SPECC1: variants seen among roughly 807,000 people sequenced by gnomAD.
SPECC1 encodes the protein cytospin-B.
SPECC1 carries 62 observed loss-of-function variants against 104.1 expected under a neutral mutation model. That is an observed-to-expected ratio of 0.60 (90% CI 0.49 to 0.74). The LOEUF (loss-of-function observed/expected upper bound fraction) is 0.74. SPECC1 is among the 30% of genes least tolerant of loss of function. The probability of loss-of-function intolerance (pLI) is 0.00; values close to 1 mark genes in which losing one functional copy is unlikely to be tolerated. For synonymous variants in SPECC1, 513 were observed against 501.6 expected (o/e 1.02, Z -0.30); for missense variants, 1,306 against 1,310.5 (o/e 1.00, Z 0.05).
intron 12 of SPECC1, among the ~76,000 whole-genome samples, chr17:20,270,137 A>G (rs1341918710): frequency 6.6e-6 from 1 of 152,106 alleles, no homozygotes; most frequent in Non-Finnish European, 1.5e-5. Context: ...GTGGCTGCTT[A>G]GTGGGTACAG....
intron 3 of SPECC1, among the ~76,000 whole-genome samples, chr17:20,132,612 AATT>A (rs1223144461): frequency 6.7e-6 from 1 of 150,118 alleles, no homozygotes; most frequent in Non-Finnish European, 1.5e-5. Flanking sequence ...AAATTTCCCT[AATT>A]GTTATAGGGC....
At chr17:20,303,420 TC>T (rs1184076449) in intron 13 of SPECC1, among the ~76,000 whole-genome samples, 1 of 152,144 alleles carries the variant, frequency 6.6e-6, no homozygotes, top group Admixed American at 6.5e-5. Flanking sequence ...TCACCACAGA[TC>T]AACAGCTTTC....
chr17:20,147,663 A>G lies in SPECC1; in HGVS notation c.283+37101A>G, dbSNP rs754580148. Among the ~76,000 whole-genome samples the G allele has an allele frequency of 1.3e-3, 200 of 152,218 alleles. 1 individual carries two copies. Among genetic ancestry groups the G allele is most frequent in the Non-Finnish European group, 9.6e-4 (65 of 68,036 alleles). On this transcript the variant is annotated intron_variant, in intron 3 of 14. Transcript: ENST00000395527. ...TGAGAGGCATATGGAGGGCCATTAT[A>G]TTAGTTCTCTTTAGTTTTGTGTATG... is the stretch of plus-strand genomic sequence containing the variant.
chr17:20,022,504 T>C (rs981342482), intron 1 of SPECC1, among the ~76,000 whole-genome samples: 2 of 152,250 alleles, frequency 1.3e-5, no homozygotes, highest in Admixed American at 1.3e-4. Context: ...CTTAATTCTA[T>C]AACCTGAATA....
chr17:20,029,672 T>C (rs1399919799), intron 1 of SPECC1, among the ~76,000 whole-genome samples: 1 of 152,220 alleles, frequency 6.6e-6, no homozygotes, highest in Non-Finnish European at 1.5e-5. Context: ...CCTAGGAACC[T>C]GTCCATTTCA....
intron 1 of SPECC1, among the ~76,000 whole-genome samples, chr17:20,085,869 C>T (rs1217067270): frequency 1.3e-5 from 2 of 152,220 alleles, no homozygotes; most frequent in African/African-American, 4.8e-5. Context: ...ACTCTGGGTA[C>T]CCACGGCGGG....
In SPECC1 at chr17:20,204,433, C is replaced by T; in HGVS notation, c.384C>T (p.Pro128=). 6.2e-7 allele frequency: 1 copy of T among 1,614,138 alleles called. No homozygotes were observed. The highest frequency in any genetic ancestry group is 8.5e-7 in the Non-Finnish European group (1 of 1,180,032). ...ERSVPRGPSN[P]RKSVSSPTSS... is the part of the protein sequence containing the mutation. ...CTGTGCCACGTGGTCCCTCCAACCC[C>T]AGGAAATCAGTGTCCAGTCCAACTT... is the stretch of plus-strand genomic sequence containing the variant. The change falls in exon 4 of 15, where the codon CCC becomes CCT. Residue 128 remains proline, a synonymous_variant. Coordinates refer to ENST00000395527, the MANE Select transcript of SPECC1 (RefSeq NM_001243439.2).
intron 2 of SPECC1, among the ~76,000 whole-genome samples, chr17:20,105,811 A>ACC (rs2048172985): frequency 6.6e-6 from 1 of 152,152 alleles, no homozygotes; most frequent in African/African-American, 2.4e-5. Flanking sequence ...AGTCCCAGGA[A>ACC]CCAACCCCTT....
intron 4 of SPECC1, among the ~76,000 whole-genome samples, chr17:20,210,154 A>G (rs2151378321): frequency 6.6e-6 from 1 of 152,344 alleles, no homozygotes; most frequent in South Asian, 2.1e-4. Context: ...CAAATAGATG[A>G]TCCTGTAGCT....
intron 13 of SPECC1, among the ~76,000 whole-genome samples, chr17:20,297,385 T>C (rs1005749001): frequency 2.0e-5 from 3 of 152,232 alleles, no homozygotes; most frequent in African/African-American, 7.2e-5. Context: ...TCTTGGACAC[T>C]GTATATTGCA....
chr17:20,075,174 A>AT lies in SPECC1; in HGVS notation c.-21-21455dup, dbSNP rs527385145. ...TGCCTTGGCCTCCCAAAGTGCTGGG[A>AT]TTATAGGCGTGAGCCCCCACACCTG... On this transcript the variant is annotated intron_variant, in intron 1 of 14. Coordinates refer to ENST00000395527, the MANE Select transcript of SPECC1 (RefSeq NM_001243439.2). 1.1e-4 allele frequency among the ~76,000 whole-genome samples: 16 copies of AT among 152,358 alleles called. No homozygotes were observed. In the South Asian group the frequency reaches 1.4e-3, roughly 14 times the overall value.
intron 1 of SPECC1, among the ~76,000 whole-genome samples, chr17:20,086,821 C>T (rs953312728): frequency 7.2e-5 from 11 of 152,236 alleles, no homozygotes; most frequent in East Asian, 1.9e-4. Context: ...TTCAAATGCA[C>T]GGAAGCATGT....
chr17:20,258,440 T>G (rs551621759), intron 11 of SPECC1, among the ~76,000 whole-genome samples: 1 of 152,166 alleles, frequency 6.6e-6, no homozygotes, highest in East Asian at 1.9e-4. Context: ...TTCAGCTGCT[T>G]CCTCTCCCCT....
intron 3 of SPECC1, among the ~76,000 whole-genome samples, chr17:20,148,777 T>G (rs2031709654): frequency 6.6e-6 from 1 of 152,148 alleles, no homozygotes. Flanking sequence ...TGGAGTGCAG[T>G]GGCGCGTTCT....
At chr17:20,183,292 A>G (rs1474533673) in intron 3 of SPECC1, among the ~76,000 whole-genome samples, 1 of 152,228 alleles carries the variant, frequency 6.6e-6, no homozygotes, top group Admixed American at 6.5e-5. Context: ...AATCTTTTTT[A>G]TAAAGCAATC....
intron 1 of SPECC1, among the ~76,000 whole-genome samples, chr17:20,032,355 T>G (rs1281176116): frequency 5.9e-5 from 9 of 152,168 alleles, no homozygotes; most frequent in African/African-American, 2.2e-4. Context: ...TGAATATTTT[T>G]TCTTCCTCTT....
chr17:20,240,545 A>T (rs1399879248), intron 7 of SPECC1, among the ~76,000 whole-genome samples: 1 of 152,092 alleles, frequency 6.6e-6, no homozygotes, highest in Non-Finnish European at 1.5e-5. Context: ...CTTGATGCAC[A>T]CACATATGCA....
intron 3 of SPECC1, among the ~76,000 whole-genome samples, chr17:20,182,142 T>A (rs2034947941): frequency 8.7e-6 from 1 of 115,422 alleles, no homozygotes; most frequent in Non-Finnish European, 1.7e-5. Flanking sequence ...AGACAGGGCC[T>A]CACTCCACTT....
chr17:20,311,140 T>C (rs2142224073), intron 14 of SPECC1, among the ~76,000 whole-genome samples: 1 of 151,598 alleles, frequency 6.6e-6, no homozygotes, highest in African/African-American at 2.4e-5. Context: ...GTAAATGTTA[T>C]TGTTTTTCTT....
Sources: gnomAD v4.1 joint callset for allele counts (sites outside exome capture counted in the v4.1 genomes callset) on GRCh38, gnomAD v4.1.1 for gene constraint, MANE v1.5 for transcripts, NCBI Gene and HGNC (gene_info 2026-07-23, HGNC 2026-07-21) for gene names.